Variants in GRK5 observed in about 807,000 individuals in gnomAD.
The protein encoded by GRK5 is g protein-coupled receptor kinase GRK5.
A neutral mutation model predicts 78.4 loss-of-function variants in GRK5; 40 were observed. That is an observed-to-expected ratio of 0.51 (90% CI 0.40 to 0.66). GRK5 has a LOEUF of 0.66. Ranked by LOEUF, GRK5 falls within the 30% of genes least tolerant of loss-of-function variation. GRK5 has a pLI of 0.00. For synonymous variants in GRK5, 289 were observed against 296.8 expected (o/e 0.97, Z 0.27); for missense variants, 598 against 759.9 (o/e 0.79, Z 2.50).
Position 119,455,506 on chromosome 10 carries a change from T to C in GRK5, c.*439T>C, listed in dbSNP as rs1327308510. 1 of 323,740 alleles carries C rather than the reference T, an allele frequency of 3.1e-6. No homozygotes were observed. Among genetic ancestry groups the C allele is most frequent in the African/African-American group, 2.2e-5 (1 of 44,650 alleles). 20.1% of individuals were successfully genotyped at this position (323,740 alleles called of 1,614,324 possible). ...TCTGTGCAGCCACTGTTAAGCCATG[T>C]GTTCCAAGGCATTTTAGCGGGGAGG... On this transcript the variant is annotated 3_prime_UTR_variant, in exon 16 of 16. Coordinates refer to ENST00000392870, the MANE Select transcript of GRK5 (RefSeq NM_005308.3).
chr10:119,278,937 G>A (rs1038918980), intron 1 of GRK5, among the ~76,000 whole-genome samples: 3 of 152,204 alleles, frequency 2.0e-5, no homozygotes, highest in Non-Finnish European at 4.4e-5. Flanking sequence ...GAGTGCAGTG[G>A]TGCAGTCTTG....
intron 3 of GRK5, among the ~76,000 whole-genome samples, chr10:119,381,900 G>A (rs1468736287): frequency 1.3e-5 from 2 of 152,138 alleles, no homozygotes. Flanking sequence ...TCAAGATCTC[G>A]ATGTGCATCT....
intron 1 of GRK5, among the ~76,000 whole-genome samples, chr10:119,311,787 C>CAA (rs532805848): frequency 1.8e-3 from 243 of 136,496 alleles, no homozygotes; most frequent in South Asian, 0.017. Flanking sequence ...AGACTGTCTC[C>CAA]AAAAAAAAAA....
intron 3 of GRK5, among the ~76,000 whole-genome samples, chr10:119,392,883 A>G (rs1851907856): frequency 6.6e-6 from 1 of 152,166 alleles, no homozygotes; most frequent in East Asian, 1.9e-4. Context: ...CCCAAGCTAC[A>G]TCTAATTGTA....
chr10:119,359,061 T>C (rs1851314820), intron 2 of GRK5, among the ~76,000 whole-genome samples: 1 of 152,118 alleles, frequency 6.6e-6, no homozygotes, highest in East Asian at 1.9e-4. Context: ...ACATATGAAT[T>C]TGGGGACAAC....
intron 1 of GRK5, among the ~76,000 whole-genome samples, chr10:119,305,687 C>A (rs1055805549): frequency 6.6e-6 from 1 of 152,104 alleles, no homozygotes; most frequent in African/African-American, 2.4e-5. Context: ...CCGGGAGACA[C>A]GTGTAAGTGC....
At chr10:119,444,770 G>C (rs1430029597) in intron 12 of GRK5, among the ~76,000 whole-genome samples, 1 of 152,220 alleles carries the variant, frequency 6.6e-6, no homozygotes, top group East Asian at 1.9e-4. Context: ...CCTGGGAGGG[G>C]GGAGCCACAC....
intron 4 of GRK5, among the ~76,000 whole-genome samples, chr10:119,414,122 C>G (rs775124849): frequency 6.6e-6 from 1 of 152,206 alleles, no homozygotes; most frequent in Non-Finnish European, 1.5e-5. Context: ...CAGAGAGTCT[C>G]TCTCTCCTGC....
chr10:119,405,560 C>T (rs1455972104), intron 4 of GRK5, among the ~76,000 whole-genome samples: 1 of 151,728 alleles, frequency 6.6e-6, no homozygotes, highest in Admixed American at 6.6e-5. Context: ...CCTCTGGCTC[C>T]CCACCCCCAC....
chr10:119,391,730 C>T (rs934704291), intron 3 of GRK5, among the ~76,000 whole-genome samples: 18 of 152,130 alleles, frequency 1.2e-4, no homozygotes, highest in African/African-American at 4.3e-4. Flanking sequence ...GGGCGGCCCA[C>T]GTGGTCAGCA....
intron 4 of GRK5, among the ~76,000 whole-genome samples, chr10:119,405,743 G>A (rs1461098801): frequency 1.3e-5 from 2 of 152,092 alleles, no homozygotes; most frequent in African/African-American, 2.4e-5. Flanking sequence ...CTGAGTATGG[G>A]GCTGATAAAA....
chr10:119,230,790 C>A (rs2133724601), intron 1 of GRK5, among the ~76,000 whole-genome samples: 1 of 137,678 alleles, frequency 7.3e-6, no homozygotes, highest in South Asian at 2.3e-4. Flanking sequence ...ATAATTACAT[C>A]ACTGTACTCT....
At chr10:119,321,930 G>A (rs1176621977) in intron 1 of GRK5, among the ~76,000 whole-genome samples, 1 of 151,654 alleles carries the variant, frequency 6.6e-6, no homozygotes, top group Non-Finnish European at 1.5e-5. Flanking sequence ...TTTCCTAAAT[G>A]TTGGTAAAAT....
intron 1 of GRK5, among the ~76,000 whole-genome samples, chr10:119,228,908 G>A (rs1043788685): frequency 6.6e-6 from 1 of 152,040 alleles, no homozygotes; most frequent in African/African-American, 2.4e-5. Context: ...TTCCTCCATG[G>A]GAGATTCTAG....
intron 1 of GRK5, among the ~76,000 whole-genome samples, chr10:119,275,896 G>A (rs530120804): frequency 8.5e-5 from 13 of 152,260 alleles, no homozygotes; most frequent in East Asian, 3.9e-4. Flanking sequence ...TTTGGGGACC[G>A]TCTCGCTAAG....
intron 6 of GRK5, among the ~76,000 whole-genome samples, chr10:119,426,903 A>ATCAACAGCATCACCG (rs1852691671): frequency 1.7e-4 from 7 of 42,270 alleles, no homozygotes; most frequent in African/African-American, 4.2e-4. Context: ...CAGCATCACC[A>ATCAACAGCATCACCG]CCATCATCAG....
At chr10:119,208,099 A>C (rs1016668284) in intron 1 of GRK5, 130 bp downstream of exon 1, 5 of 799,910 alleles carry the variant, frequency 6.3e-6, no homozygotes, top group Non-Finnish European at 9.7e-6. Flanking sequence ...CGAGCAGGAC[A>C]CTTCGGAGAG....
intron 1 of GRK5, among the ~76,000 whole-genome samples, chr10:119,219,816 T>C (rs1393081360): frequency 6.6e-6 from 1 of 152,320 alleles, no homozygotes; most frequent in East Asian, 1.9e-4. Flanking sequence ...TTTCTGAGGC[T>C]CTGTGTGAGT....
chr10:119,316,479 AG>A (rs1850488777), intron 1 of GRK5, among the ~76,000 whole-genome samples: 1 of 152,222 alleles, frequency 6.6e-6, no homozygotes, highest in African/African-American at 2.4e-5. Context: ...CCCTCACTCC[AG>A]GCACCTGCCA....
Sources: gnomAD v4.1 joint callset for allele counts (sites outside exome capture counted in the v4.1 genomes callset) on GRCh38, gnomAD v4.1.1 for gene constraint, MANE v1.5 for transcripts, NCBI Gene and HGNC (gene_info 2026-07-23, HGNC 2026-07-21) for gene names.